The following GANC variants were observed in gnomAD, a reference collection of about 807,000 sequenced individuals.
The protein encoded by GANC is neutral alpha-glucosidase C.
GANC carries 117 observed loss-of-function variants against 124.2 expected under a neutral mutation model. The observed-to-expected ratio is 0.94, with a 90% CI of 0.81 to 1.10. The LOEUF (loss-of-function observed/expected upper bound fraction) is 1.10. GANC is among the 50% of genes least tolerant of loss of function. The probability of loss-of-function intolerance (pLI) is 0.00; values close to 1 mark genes in which losing one functional copy is unlikely to be tolerated. For missense variants in GANC, 1,140 were observed against 1,095.0 expected (o/e 1.04, Z -0.58); for synonymous variants, 377 against 376.8 (o/e 1.00, Z -0.01).
intron 5 of GANC, among the ~76,000 whole-genome samples, chr15:42,296,472 C>T (rs990453765): frequency 3.3e-5 from 5 of 152,104 alleles, no homozygotes; most frequent in South Asian, 2.1e-4. Flanking sequence ...CTGCAACCTC[C>T]GCCTCCCAAT....
Position 42,274,422 on chromosome 15 carries a change from A to G in GANC, c.-60A>G. 6.3e-7 allele frequency: 1 copy of G among 1,578,896 alleles called. No homozygotes were observed. The highest frequency in any genetic ancestry group is 2.3e-5 in the East Asian group (1 of 44,168). ...GAAAGACACCCAATCGGCTTTTTTAAAAGATCGCCCAGGGCCCTTGTCCTG... is the reference window on the plus strand; with the variant it reads ...GAAAGACACCCAATCGGCTTTTTTAGAAGATCGCCCAGGGCCCTTGTCCTG... On this transcript the variant is annotated 5_prime_UTR_variant, in exon 1 of 24. Coordinates refer to ENST00000318010, the MANE Select transcript of GANC (RefSeq NM_198141.3).
Position 42,326,384 on chromosome 15 carries a change from G to A in GANC, c.1380G>A (p.Lys460=). 1 of 1,614,110 alleles carries A rather than the reference G, an allele frequency of 6.2e-7. No individual in the cohort carries two copies. The highest frequency in any genetic ancestry group is 1.1e-5 in the South Asian group (1 of 91,084). The change falls in exon 12 of 24, where the codon AAG becomes AAA. Residue 460 remains lysine (K), a synonymous_variant. Transcript: ENST00000318010. ...CCAAAGATCAGGGCTTCTTTGTGAA[G>A]AATCAGGAAGGGGAAGACTTTGAAG... ...VKAKDQGFFV[K]NQEGEDFEGV...
intron 16 of GANC, 74 bp downstream of exon 16, chr15:42,338,564 A>G: frequency 3.8e-6 from 4 of 1,057,886 alleles, no homozygotes; most frequent in Middle Eastern, 4.0e-4. Context: ...GCTGGTTACA[A>G]ATCCCTTCTC....
At chr15:42,297,707 G>T (rs776462311) in intron 6 of GANC, 51 bp downstream of exon 6, 10 of 1,308,392 alleles carry the variant, frequency 7.6e-6, no homozygotes, top group Admixed American at 1.8e-5. Context: ...TCATCATCAT[G>T]ATAGGGCATA....
chr15:42,321,703 T>C (rs1244018282), intron 10 of GANC, 82 bp from the exon 11 acceptor site: 1 of 1,173,780 alleles, frequency 8.5e-7, no homozygotes, highest in African/African-American at 1.5e-5. Context: ...CTGAATACTC[T>C]GTAGACATTC....
chr15:42,317,651 G>A (rs1433979359), intron 10 of GANC, among the ~76,000 whole-genome samples: 1 of 118,986 alleles, frequency 8.4e-6, no homozygotes, highest in Non-Finnish European at 1.8e-5. Flanking sequence ...TGCATGGTAC[G>A]TGAATTCAGT....
intron 7 of GANC, among the ~76,000 whole-genome samples, chr15:42,307,387 G>A (rs960359807): frequency 6.9e-6 from 1 of 144,450 alleles, no homozygotes; most frequent in African/African-American, 2.6e-5. Context: ...AGGCTGGAGT[G>A]CAGTGGCATG....
At chr15:42,291,101 A>G (rs958685506) in intron 4 of GANC, among the ~76,000 whole-genome samples, 4 of 152,114 alleles carry the variant, frequency 2.6e-5, no homozygotes, top group African/African-American at 9.7e-5. Flanking sequence ...AGCCAATTAC[A>G]GTCAAACCCG....
rs142132276 is a variant in GANC at position 42,305,985 on chromosome 15, C to G, written c.559-561C>G. ...GGAGAGATAGCATTAGGAGTAATAC[C>G]TAATGTAGATGATGGGTTGATGGGT... On this transcript the variant is annotated intron_variant, in intron 6 of 23. Transcript: ENST00000318010. Among the ~76,000 whole-genome samples, 3 of 150,744 alleles carry G rather than the reference C, an allele frequency of 2.0e-5. No individual in the cohort carries two copies. In the East Asian group the frequency reaches 5.8e-4, roughly 29 times the overall value.
chr15:42,282,289 C>G (rs2051741610), intron 3 of GANC, among the ~76,000 whole-genome samples: 1 of 152,004 alleles, frequency 6.6e-6, no homozygotes, highest in African/African-American at 2.4e-5. Context: ...CCGCTGCACC[C>G]TCAGCCTGGG....
chr15:42,349,730 C>T (rs1315927227), intron 22 of GANC, among the ~76,000 whole-genome samples: 2 of 152,048 alleles, frequency 1.3e-5, no homozygotes, highest in Non-Finnish European at 2.9e-5. Context: ...TCACTGCAAC[C>T]TCCACCTCCT....
chr15:42,343,300 T>G, intron 19 of GANC, 146 bp downstream of exon 19: 3 of 650,788 alleles, frequency 4.6e-6, no homozygotes, highest in Non-Finnish European at 7.9e-6. Flanking sequence ...TCATGACCAC[T>G]GTCCTCAGAG....
At chr15:42,311,857 A>AT (rs1183989896) in intron 10 of GANC, among the ~76,000 whole-genome samples, 1 of 151,918 alleles carries the variant, frequency 6.6e-6, no homozygotes, top group Non-Finnish European at 1.5e-5. Context: ...AACGAAAAAA[A>AT]AAATTAGTTC....
At position 42,292,837 on chromosome 15, in the gene GANC, G is replaced by T. The variant is rs748747464; in HGVS notation, c.432G>T (p.Val144=). 1 of 1,614,142 alleles carries T rather than the reference G, an allele frequency of 6.2e-7. No individual in the cohort carries two copies. The highest frequency in any genetic ancestry group is 2.2e-5 in the East Asian group (1 of 44,874). The change falls in exon 5 of 24, where the codon GTG becomes GTT. Residue 144 remains valine (V), a synonymous_variant. Coordinates refer to ENST00000318010, the MANE Select transcript of GANC (RefSeq NM_198141.3). ...ITANPFKVDL[V]SEEEVVISIN... is the part of the protein sequence containing the mutation. ...CAAACCCATTCAAGGTAGACTTGGT[G>T]TCTGAAGAAGAGGTTGTGATTAGCA...
chr15:42,318,535 C>T (rs940724609), intron 10 of GANC, among the ~76,000 whole-genome samples: 6 of 152,186 alleles, frequency 3.9e-5, no homozygotes, highest in African/African-American at 1.2e-4. Flanking sequence ...TTATCACTAA[C>T]ATTCCAAATT....
chr15:42,278,582 G>C lies in GANC; in HGVS notation c.193G>C (p.Ala65Pro). The change falls in exon 3 of 24, where the codon GCA (alanine) becomes CCA (proline). Residue 65 changes from alanine (A) to proline (P), a missense_variant. By Grantham distance (27) the Ala-to-Pro change is conservative (BLOSUM62 -1). Transcript: ENST00000318010. The part of the protein sequence containing the change: ...DSTRFQIINE[A>P]SKVPLLAEIY... Reference sequence around the variant, plus strand: ...CACCAGGTTCCAAATCATCAATGAAGCAAGTAAGGTGAGATGGAAGTATTT... The same window carrying C: ...CACCAGGTTCCAAATCATCAATGAACCAAGTAAGGTGAGATGGAAGTATTT... 6.2e-7 allele frequency: 1 copy of C among 1,606,476 alleles called. No individual in the cohort carries two copies.
chr15:42,282,307 G>A (rs1405347874), intron 3 of GANC, among the ~76,000 whole-genome samples: 1 of 151,904 alleles, frequency 6.6e-6, no homozygotes, highest in Non-Finnish European at 1.5e-5. Context: ...GGGCAACACA[G>A]TGAGACTCTG....
Position 42,339,796 on chromosome 15 carries a change from C to G in GANC, c.1971C>G (p.Leu657=), listed in dbSNP as rs777531811. ...TMNTKRREPW[L]FGEEHTRLIR... The stretch of plus-strand genomic sequence containing the variant: ...ACACCAAGCGACGAGAGCCCTGGCT[C>G]TTTGGGGAGGAACACACCCGACTCA... Residue 657 remains leucine, a synonymous_variant, in exon 17 of 24, where the codon CTC becomes CTG. Transcript: ENST00000318010. 1 of 1,614,168 alleles carries G rather than the reference C, an allele frequency of 6.2e-7. No individual in the cohort carries two copies. Among genetic ancestry groups the G allele is most frequent in the East Asian group, 2.2e-5 (1 of 44,866 alleles).
intron 8 of GANC, 112 bp from the exon 9 acceptor site, chr15:42,310,171 C>T: frequency 1.3e-6 from 1 of 754,464 alleles, no homozygotes; most frequent in East Asian, 2.9e-5. Flanking sequence ...AAGAGTTGAG[C>T]CTCCAAAGAT....
Sources: gnomAD v4.1 joint callset for allele counts (sites outside exome capture counted in the v4.1 genomes callset) on GRCh38, gnomAD v4.1.1 for gene constraint, MANE v1.5 for transcripts, NCBI Gene and HGNC (gene_info 2026-07-23, HGNC 2026-07-21) for gene names.